MGAT4C: variants seen among roughly 807,000 people sequenced by gnomAD.
The protein encoded by MGAT4C is alpha-1,3-mannosyl-glycoprotein 4-beta-N-acetylglucosaminyltransferase C.
A neutral mutation model predicts 40.1 loss-of-function variants in MGAT4C; 19 were observed. That is an observed-to-expected ratio of 0.47 (90% confidence interval 0.33 to 0.70). MGAT4C has a LOEUF of 0.70. MGAT4C is among the 30% of genes least tolerant of loss of function. The pLI, the probability that MGAT4C is intolerant of heterozygous loss-of-function variation, is 0.02. For synonymous variants in MGAT4C, 181 were observed against 187.1 expected (o/e 0.97, Z 0.27); for missense variants, 491 against 563.2 (o/e 0.87, Z 1.30).
At chr12:86,594,902 CA>C (rs141309022) in intron 2 of MGAT4C, among the ~76,000 whole-genome samples, 229 of 152,276 alleles carry the variant, frequency 1.5e-3, no homozygotes, top group African/African-American at 5.2e-3. Context: ...GGGTCCAGTG[CA>C]GGAGCCCAGT....
intron 1 of MGAT4C, among the ~76,000 whole-genome samples, chr12:86,801,927 T>A (rs1952236198): frequency 6.6e-6 from 1 of 151,930 alleles, no homozygotes; most frequent in African/African-American, 2.4e-5. Context: ...GGAATTTTTT[T>A]AAACCTTATG....
chr12:86,408,391 C>T (rs73187469), intron 3 of MGAT4C, among the ~76,000 whole-genome samples: 14,910 of 144,120 alleles, frequency 0.1, 1,029 homozygotes, highest in Middle Eastern at 0.26. Flanking sequence ...ATTAGAATGA[C>T]GTAAAATAAA....
At chr12:86,284,386 C>G (rs111424497) in intron 4 of MGAT4C, among the ~76,000 whole-genome samples, 3,041 of 151,904 alleles carry the variant, frequency 0.02, 95 homozygotes, top group African/African-American at 0.069. Flanking sequence ...GGAGACACCT[C>G]TTCTAGAAGT....
intron 1 of MGAT4C, among the ~76,000 whole-genome samples, chr12:86,807,938 T>C (rs1346802833): frequency 6.6e-6 from 1 of 152,118 alleles, no homozygotes; most frequent in Non-Finnish European, 1.5e-5. Flanking sequence ...TTTTGAGAAA[T>C]GTCTGTTAAT....
At chr12:85,995,601 C>T (rs983118478) in intron 2 of MGAT4C, among the ~76,000 whole-genome samples, 1 of 152,148 alleles carries the variant, frequency 6.6e-6, no homozygotes, top group Admixed American at 6.5e-5. Flanking sequence ...GCTGCGGTAC[C>T]TCATGCCTGT....
chr12:86,176,882 T>G (rs1173883127), intron 1 of MGAT4C, among the ~76,000 whole-genome samples: 1 of 149,018 alleles, frequency 6.7e-6, no homozygotes, highest in East Asian at 2.0e-4. Flanking sequence ...ATGTATTAAG[T>G]GACAGTTCAT....
At chr12:86,688,444 T>C (rs1198253443) in intron 2 of MGAT4C, among the ~76,000 whole-genome samples, 1 of 152,114 alleles carries the variant, frequency 6.6e-6, no homozygotes, top group East Asian at 1.9e-4. Context: ...ATAGTGTTGA[T>C]GGTCTTTACA....
intron 2 of MGAT4C, among the ~76,000 whole-genome samples, chr12:86,470,324 CT>C (rs1053292181): frequency 6.6e-6 from 1 of 152,028 alleles, no homozygotes; most frequent in African/African-American, 2.4e-5. Context: ...TCTCTCTTCC[CT>C]TTTTTTACTT....
chr12:86,084,084 A>G (rs1325199038), intron 1 of MGAT4C, among the ~76,000 whole-genome samples: 1 of 152,082 alleles, frequency 6.6e-6, no homozygotes, highest in Non-Finnish European at 1.5e-5. Context: ...AGCATCAACT[A>G]TTTGTAAAAT....
chr12:86,681,764 T>C (rs74544498), intron 2 of MGAT4C, among the ~76,000 whole-genome samples: 1,601 of 152,126 alleles, frequency 0.011, 16 homozygotes, highest in East Asian at 0.038. Context: ...CTGATATACA[T>C]AGAAAATTTT....
intron 1 of MGAT4C, among the ~76,000 whole-genome samples, chr12:86,791,240 CCAGTCACCAATG>C (rs1438006698): frequency 1.3e-5 from 2 of 152,070 alleles, no homozygotes; most frequent in African/African-American, 4.8e-5. Context: ...GAACAAGTAT[CCAGTCACCAATG>C]CAGGCTCAAA....
chr12:86,030,420 T>C (rs941805378), intron 2 of MGAT4C, among the ~76,000 whole-genome samples: 1 of 151,760 alleles, frequency 6.6e-6, no homozygotes, highest in African/African-American at 2.4e-5. Flanking sequence ...TGAGTATGAC[T>C]ACATGTACAG....
rs868842813 is a variant in MGAT4C at position 86,329,777 on chromosome 12, T to C, written c.-57+4288A>G. 3.9e-5 allele frequency among the ~76,000 whole-genome samples: 6 copies of C among 152,316 alleles called. No homozygotes were observed. The South Asian group carries it at 6.2e-4, about 16-fold the overall frequency. ...TAAAGCTCTACTGTATTTTAAAGTGTATATTAAATTTCCCCACTGTGTATC... is the reference window on the plus strand; with the variant it reads ...TAAAGCTCTACTGTATTTTAAAGTGCATATTAAATTTCCCCACTGTGTATC... On this transcript the variant is annotated intron_variant, in intron 4 of 7. Coordinates refer to the MGAT4C transcript ENST00000548651.
rs191286297 is a variant in MGAT4C, at chr12:86,548,664, A to C, written c.-228-113399T>G. Among the ~76,000 whole-genome samples, 10 of 152,272 alleles carry C rather than the reference A, an allele frequency of 6.6e-5. No homozygotes were observed. The East Asian group carries it at 1.7e-3, about 26-fold the overall frequency. ...GAGCACAGAGTCTGCAGACACACTG[A>C]GTTTGTTTCAAATCCCAGCTCTTTT... is the stretch of plus-strand genomic sequence containing the variant. On this transcript the variant is annotated intron_variant, in intron 2 of 7. Transcript: ENST00000548651.
At chr12:86,394,248 A>C (rs1248607508) in intron 3 of MGAT4C, among the ~76,000 whole-genome samples, 1 of 152,078 alleles carries the variant, frequency 6.6e-6, no homozygotes, top group Non-Finnish European at 1.5e-5. Context: ...TGTCCATCAG[A>C]CTATCCGTTA....
chr12:86,224,134 C>T (rs1265297535), intron 1 of MGAT4C, among the ~76,000 whole-genome samples: 1 of 152,144 alleles, frequency 6.6e-6, no homozygotes, highest in Non-Finnish European at 1.5e-5. Flanking sequence ...TACGCTCATC[C>T]CACCTCTGCC....
chr12:86,627,691 C>A (rs1289987256), intron 2 of MGAT4C, among the ~76,000 whole-genome samples: 3 of 152,122 alleles, frequency 2.0e-5, no homozygotes, highest in Non-Finnish European at 2.9e-5. Flanking sequence ...GAAAGGAATA[C>A]CACTAACATC....
intron 2 of MGAT4C, among the ~76,000 whole-genome samples, chr12:86,435,815 C>T (rs1957126467): frequency 6.6e-6 from 1 of 151,846 alleles, no homozygotes; most frequent in Non-Finnish European, 1.5e-5. Flanking sequence ...CCTAAACCTT[C>T]AAAGTGGCCC....
At chr12:86,609,286 C>T (rs1246717713) in intron 2 of MGAT4C, among the ~76,000 whole-genome samples, 1 of 151,906 alleles carries the variant, frequency 6.6e-6, no homozygotes, top group Admixed American at 6.6e-5. Flanking sequence ...CAAAGTTAAA[C>T]GTGAAGACCA....
Sources: gnomAD v4.1 joint callset for allele counts (sites outside exome capture counted in the v4.1 genomes callset) on GRCh38, gnomAD v4.1.1 for gene constraint, MANE v1.5 for transcripts, NCBI Gene and HGNC (gene_info 2026-07-23, HGNC 2026-07-21) for gene names.